Variants in ELOVL7 observed in about 807,000 individuals in gnomAD.
The protein encoded by ELOVL7 is ELOVL fatty acid elongase 7, also known as very long chain fatty acid elongase 7.
Under a neutral mutation model 35.7 loss-of-function variants are expected in ELOVL7, and 27 were observed. The observed-to-expected ratio is 0.76, with a 90% confidence interval of 0.56 to 1.04. The LOEUF (loss-of-function observed/expected upper bound fraction) is 1.04, where lower values mean the gene tolerates loss of function less well. Ranked by LOEUF, ELOVL7 falls within the 50% of genes least tolerant of loss-of-function variation. The pLI is 0.00. For missense variants in ELOVL7, 327 were observed against 340.8 expected (o/e 0.96, Z 0.32); for synonymous variants, 113 against 114.6 (o/e 0.99, Z 0.09).
chr5:60,764,278 G>GCC lies in ELOVL7; in HGVS notation c.447_448insGG (p.His150GlyfsTer28). ...CAGGTCCACGGCATGATGGTATGAT[G>GCC]GAATACATGAAGGAAAGTCACTTGG... is the stretch of plus-strand genomic sequence containing the variant. On this transcript the variant is annotated frameshift_variant, in exon 7 of 9. Coordinates refer to ENST00000508821, the MANE Select transcript of ELOVL7 (RefSeq NM_024930.3). LOFTEE classifies it high-confidence loss of function. 6 of 1,613,656 alleles carry GCC rather than the reference G, an allele frequency of 3.7e-6. No individual in the cohort carries two copies. Among genetic ancestry groups the GCC allele is most frequent in the Non-Finnish European group, 5.1e-6 (6 of 1,179,768 alleles).
chr5:60,811,093 T>TTCTCAAAAGA (rs1745213725), intron 1 of ELOVL7, among the ~76,000 whole-genome samples: 1 of 152,224 alleles, frequency 6.6e-6, no homozygotes, highest in Non-Finnish European at 1.5e-5. Flanking sequence ...TGTATTTATC[T>TTCTCAAAAGA]TCTCAAAAGA....
chr5:60,754,400 C>T lies in ELOVL7; in HGVS notation c.*224G>A. The T allele has an allele frequency of 2.0e-6, 1 of 502,328 alleles. No individual in the cohort carries two copies. Among genetic ancestry groups the T allele is most frequent in the East Asian group, 3.3e-5 (1 of 30,586 alleles). 31.1% of individuals were successfully genotyped at this position (502,328 alleles called of 1,614,324 possible). A position where few individuals can be genotyped will look rare whatever the true frequency, so the allele number is the denominator to read the frequency against. On this transcript the variant is annotated 3_prime_UTR_variant, in exon 9 of 9. Transcript: ENST00000508821. ...TTAGGTTTAAAAGCAGCTAAAAAAA[C>T]AAAAACAAAAACAAAAACAAATTCT...
At chr5:60,839,270 C>G (rs1366504275) in intron 1 of ELOVL7, among the ~76,000 whole-genome samples, 1 of 151,938 alleles carries the variant, frequency 6.6e-6, no homozygotes, top group Non-Finnish European at 1.5e-5. Flanking sequence ...ATCACCGAAC[C>G]TGGGAGGCAG....
chr5:60,809,331 G>C (rs1313332821), intron 1 of ELOVL7, among the ~76,000 whole-genome samples: 1 of 152,200 alleles, frequency 6.6e-6, no homozygotes, highest in Non-Finnish European at 1.5e-5. Flanking sequence ...ATAATACACA[G>C]TTGGGTGGCA....
At chr5:60,794,159 C>A (rs1050103686) in intron 2 of ELOVL7, among the ~76,000 whole-genome samples, 2 of 152,168 alleles carry the variant, frequency 1.3e-5, no homozygotes, top group Non-Finnish European at 2.9e-5. Flanking sequence ...ATGAATACTG[C>A]TCCTTGATTT....
At chr5:60,787,469 T>C in intron 2 of ELOVL7, 38 bp from the exon 3 acceptor site, 2 of 1,147,962 alleles carry the variant, frequency 1.7e-6, no homozygotes, top group Admixed American at 2.6e-5. Flanking sequence ...TTATAATCTA[T>C]AAATGCAAAT....
At chr5:60,767,770 A>T in intron 5 of ELOVL7, 53 bp downstream of exon 5, 3 of 1,399,128 alleles carry the variant, frequency 2.1e-6, no homozygotes, top group Non-Finnish European at 3.0e-6. Flanking sequence ...CAAACAGTTC[A>T]CAAAATTTTA....
At chr5:60,791,905 A>AT (rs201165009) in intron 2 of ELOVL7, among the ~76,000 whole-genome samples, 1,939 of 152,186 alleles carry the variant, frequency 0.013, 19 homozygotes, top group South Asian at 0.034. Flanking sequence ...TATCTGTGCG[A>AT]TTTTTTTCCT....
At chr5:60,778,202 G>A (rs1743025620) in intron 3 of ELOVL7, among the ~76,000 whole-genome samples, 1 of 152,160 alleles carries the variant, frequency 6.6e-6, no homozygotes, top group African/African-American at 2.4e-5. Flanking sequence ...CCACAAGGAA[G>A]GCTTGCTATG....
intron 2 of ELOVL7, among the ~76,000 whole-genome samples, chr5:60,789,315 T>C (rs557591306): frequency 1.3e-5 from 2 of 152,344 alleles, no homozygotes; most frequent in East Asian, 1.9e-4. Context: ...ATGGGCAAAG[T>C]TCACAGAAAA....
chr5:60,814,958 C>T (rs886257265), intron 1 of ELOVL7, among the ~76,000 whole-genome samples: 2 of 152,196 alleles, frequency 1.3e-5, no homozygotes, highest in African/African-American at 2.4e-5. Context: ...CCATGAAAAA[C>T]ATCACATGAA....
chr5:60,787,326 T>C lies in ELOVL7; in HGVS notation c.64+8A>G. The C allele has an allele frequency of 4.4e-6, 7 of 1,590,116 alleles. No homozygotes were observed. The highest frequency in any genetic ancestry group is 6.0e-6 in the Non-Finnish European group (7 of 1,170,712). On this transcript the variant is annotated splice_region_variant and intron_variant, in intron 3 of 8. Coordinates refer to ENST00000508821, the MANE Select transcript of ELOVL7 (RefSeq NM_024930.3). ...GATGAACCTCAATTAGGAAATGTGGTTACTCACCAGCATCTTTGATCCAAT... is the reference window on the plus strand; with the variant it reads ...GATGAACCTCAATTAGGAAATGTGGCTACTCACCAGCATCTTTGATCCAAT...
chr5:60,814,196 C>A (rs1009203613), intron 1 of ELOVL7, among the ~76,000 whole-genome samples: 2 of 152,246 alleles, frequency 1.3e-5, no homozygotes, highest in Admixed American at 1.3e-4. Context: ...TTTTAAAAAT[C>A]GGTGGTTCTG....
chr5:60,752,306 T>C lies in ELOVL7; in HGVS notation c.*2318A>G, dbSNP rs1741320518. 1 of 152,666 alleles carries C rather than the reference T, an allele frequency of 6.6e-6. No homozygotes were observed. Among genetic ancestry groups the C allele is most frequent in the South Asian group, 2.1e-4 (1 of 4,832 alleles). The allele number at this position is 152,666 out of a possible 1,614,324, so 9.5% of individuals were successfully genotyped here. A position where few individuals can be genotyped will look rare whatever the true frequency, so the allele number is the denominator to read the frequency against. On this transcript the variant is annotated 3_prime_UTR_variant, in exon 9 of 9. Transcript: ENST00000508821. ...TGGCTCTCCACTTCTATTCATATAA[T>C]TGAGTATGTGTTTTATTACATGTTA...
At chr5:60,794,904 A>G (rs1257072923) in intron 2 of ELOVL7, among the ~76,000 whole-genome samples, 1 of 152,098 alleles carries the variant, frequency 6.6e-6, no homozygotes, top group Non-Finnish European at 1.5e-5. Context: ...CAGGGTAAAA[A>G]CCAAATGCTA....
intron 3 of ELOVL7, among the ~76,000 whole-genome samples, chr5:60,773,177 A>T (rs766015034): frequency 2.0e-5 from 3 of 152,238 alleles, no homozygotes; most frequent in Non-Finnish European, 2.9e-5. Context: ...TAATTTTACT[A>T]AATGGCCTCA....
At chr5:60,764,699 T>C (rs1742132332) in intron 6 of ELOVL7, among the ~76,000 whole-genome samples, 3 of 152,132 alleles carry the variant, frequency 2.0e-5, no homozygotes, top group Admixed American at 6.6e-5. Context: ...AGACTTATGA[T>C]TGAAATATTC....
chr5:60,760,545 TG>T (rs936143036), intron 7 of ELOVL7, among the ~76,000 whole-genome samples: 1 of 152,234 alleles, frequency 6.6e-6, no homozygotes, highest in Admixed American at 6.5e-5. Context: ...ATTAGCCCTT[TG>T]TCAGATGGGT....
chr5:60,825,643 A>T (rs62372074), intron 1 of ELOVL7, among the ~76,000 whole-genome samples: 15,795 of 152,164 alleles, frequency 0.1, 1,100 homozygotes, highest in South Asian at 0.16. Flanking sequence ...CCTTCTCATA[A>T]GCAGTGTATG....
Sources: allele counts gnomAD v4.1 joint callset (sites outside exome capture counted in the v4.1 genomes callset), GRCh38; gene constraint gnomAD v4.1.1; transcripts MANE v1.5; gene names NCBI Gene and HGNC (gene_info 2026-07-23, HGNC 2026-07-21).